EPHA10: variants seen among roughly 807,000 people sequenced by gnomAD.
EPHA10 encodes EPH receptor A10.
EPHA10 carries 120 observed loss-of-function variants against 109.7 expected under a neutral mutation model. The ratio of observed to expected loss-of-function variants is 1.09; its 90% CI spans 0.94 to 1.27. The LOEUF (loss-of-function observed/expected upper bound fraction) is 1.27. EPHA10 is among the 50% of genes most tolerant of loss of function. The pLI, the probability that EPHA10 is intolerant of heterozygous loss-of-function variation, is 0.00. For missense variants in EPHA10, 1,396 were observed against 1,411.1 expected (o/e 0.99, Z 0.17); for synonymous variants, 640 against 618.9 (o/e 1.03, Z -0.51).
At position 37,723,151 on chromosome 1, in the gene EPHA10, C is replaced by T. The variant is rs376591568; in HGVS notation, c.1850G>A (p.Arg617His). The T allele has an allele frequency of 1.1e-5, 17 of 1,613,570 alleles. No homozygotes were observed. In the African/African-American group the frequency reaches 2.0e-4, roughly 19 times the overall value. The change falls in exon 10 of 17, where the codon CGT becomes CAT. Residue 617 changes from arginine (R) to histidine (H), a missense_variant. Arg to His is a conservative substitution (Grantham distance 29). Coordinates refer to ENST00000373048, the MANE Select transcript of EPHA10 (RefSeq NM_001099439.2). Reference protein sequence around the residue: ...ELYFHFKVPTRRTFLDPQSCG... With the variant: ...ELYFHFKVPTHRTFLDPQSCG... ...GCTCTGGGGGTCCAGGAATGTGCGA[C>T]GTGTTGGGACTTTGACTGGGAGAGA... is the stretch of plus-strand genomic sequence containing the variant.
At chr1:37,722,764 C>T in intron 10 of EPHA10, 1 of 563,926 alleles carries the variant, frequency 1.8e-6, no homozygotes, top group South Asian at 1.6e-5. Context: ...CCCATGAAGG[C>T]CTGGGACTAA....
chr1:37,761,466 C>T lies in EPHA10; in HGVS notation c.789G>A (p.Leu263=), dbSNP rs1329850598. ...RMHCGADGEW[L]VPVGRCSCSA... is the part of the protein sequence containing the mutation. ...TGCAGCTGCAGCGGCCCACAGGCAC[C>T]AGCCACTCGCCGTCGGCGCCGCAGT... The change falls in exon 3 of 17, where the codon CTG becomes CTA. Residue 263 remains leucine (L), a synonymous_variant. Transcript: ENST00000373048. 7 of 1,600,298 alleles carry T rather than the reference C, an allele frequency of 4.4e-6. No homozygotes were observed. The highest frequency in any genetic ancestry group is 1.7e-5 in the Admixed American group (1 of 59,964).
chr1:37,761,811 C>T lies in EPHA10; in HGVS notation c.444G>A (p.Arg148=). The stretch of plus-strand genomic sequence containing the variant: ...CCGCGATCGTGTCGATTTTGCGGGG[C>T]CGGCTGCCGCCTAGGCGGGGACGCC... ...GRGRPRLGGS[R]PRKIDTIAAD... is the part of the protein sequence containing the mutation. The change falls in exon 3 of 17, where the codon CGG becomes CGA. Residue 148 remains arginine, a synonymous_variant. Transcript: ENST00000373048. The T allele has an allele frequency of 6.2e-7, 1 of 1,613,594 alleles. No individual in the cohort carries two copies.
Position 37,724,548 on chromosome 1 carries a change from A to C in EPHA10, c.1773-1176T>G, listed in dbSNP as rs192013053. Among the ~76,000 whole-genome samples, 17 of 150,778 alleles carry C rather than the reference A, an allele frequency of 1.1e-4. No individual in the cohort carries two copies. The East Asian group carries it at 3.1e-3, about 27-fold the overall frequency. The stretch of plus-strand genomic sequence containing the variant: ...ACAGTACAAAAGAATCGCCAGAGGA[A>C]CAGAAGGAGAGCAGAGGGAAACTGG... On this transcript the variant is annotated intron_variant, in intron 8 of 16. Coordinates refer to ENST00000373048, the MANE Select transcript of EPHA10 (RefSeq NM_001099439.2).
At chr1:37,746,545 T>C (rs369038676) in intron 5 of EPHA10, among the ~76,000 whole-genome samples, 4 of 152,148 alleles carry the variant, frequency 2.6e-5, no homozygotes, top group South Asian at 2.1e-4. Context: ...AATCTGGAGG[T>C]AACATAATTC....
chr1:37,741,820 G>C (rs1384673538), intron 5 of EPHA10, among the ~76,000 whole-genome samples: 2 of 150,952 alleles, frequency 1.3e-5, no homozygotes, highest in Non-Finnish European at 2.9e-5. Flanking sequence ...CTCTACTGCA[G>C]AGCTGCTTTC....
chr1:37,746,915 C>A (rs1646250338), intron 5 of EPHA10, among the ~76,000 whole-genome samples: 2 of 152,116 alleles, frequency 1.3e-5, no homozygotes, highest in Non-Finnish European at 2.9e-5. Context: ...CAAGAAGAGG[C>A]AAATCCATAG....
chr1:37,762,010 G>T lies in EPHA10; in HGVS notation c.245C>A (p.Pro82His), dbSNP rs1557561350. 6.2e-7 allele frequency: 1 copy of T among 1,614,108 alleles called. No individual in the cohort carries two copies. The highest frequency in any genetic ancestry group is 1.1e-5 in the South Asian group (1 of 91,062). ...AGTCTGCAGCCAGTTGTCCTGGTTG[G>T]GCTCCAGCACATTGCACACTTGGTA... ...RTYQVCNVLE[P>H]NQDNWLQTGW... Residue 82 changes from proline (P) to histidine (H), a missense_variant, in exon 3 of 17, where the codon CCC becomes CAC. Physicochemically the swap from Pro to His is moderately conservative, Grantham distance 77. Transcript: ENST00000373048.
At chr1:37,736,751 A>C (rs1646078734) in intron 5 of EPHA10, among the ~76,000 whole-genome samples, 1 of 152,166 alleles carries the variant, frequency 6.6e-6, no homozygotes, top group Non-Finnish European at 1.5e-5. Flanking sequence ...AAAATACAGC[A>C]AAGTTGCAAA....
chr1:37,752,960 C>T lies in EPHA10; in HGVS notation c.1273G>A (p.Val425Met). The T allele has an allele frequency of 7.7e-7, 1 of 1,291,414 alleles. No individual in the cohort carries two copies. Among genetic ancestry groups the T allele is most frequent in the South Asian group, 2.3e-5 (1 of 44,370 alleles). 80.0% of individuals were successfully genotyped at this position (1,291,414 alleles called of 1,614,324 possible). A position where few individuals can be genotyped will look rare whatever the true frequency, so the allele number is the denominator to read the frequency against. The change falls in exon 5 of 17, where the codon GTG (valine) becomes ATG (methionine). Residue 425 changes from valine (V) to methionine (M), a missense_variant. Physicochemically the swap from Val to Met is conservative, Grantham distance 21. Coordinates refer to ENST00000373048, the MANE Select transcript of EPHA10 (RefSeq NM_001099439.2). ...CCCGAGACGCCGTTGAGCGCGGCCA[C>T]GCGCACGGTGTAGCGCGCGCCGGGC... ...LRPGARYTVRVAALNGVSGPA... is the reference protein window; with the variant it reads ...LRPGARYTVRMAALNGVSGPA...
intron 5 of EPHA10, among the ~76,000 whole-genome samples, chr1:37,740,132 T>A: frequency 6.6e-6 from 1 of 152,004 alleles, no homozygotes; most frequent in Non-Finnish European, 1.5e-5. Flanking sequence ...GGACAACGTA[T>A]CTAGTTAACA....
intron 5 of EPHA10, among the ~76,000 whole-genome samples, chr1:37,738,311 G>T (rs979446347): frequency 2.6e-5 from 4 of 152,060 alleles, no homozygotes; most frequent in Admixed American, 1.3e-4. Flanking sequence ...AGGTTGCAGT[G>T]AGCTGAGATC....
chr1:37,718,418 A>G lies in EPHA10; in HGVS notation c.2981T>C (p.Leu994Pro), dbSNP rs762484761. The G allele has an allele frequency of 1.1e-5, 18 of 1,613,102 alleles. No homozygotes were observed. In the East Asian group the frequency reaches 3.6e-4, roughly 32 times the overall value. The change falls in exon 17 of 17, where the codon CTG (leucine) becomes CCG (proline). Residue 994 changes from leucine (L) to proline (P), a missense_variant. Transcript: ENST00000373048. ...CTGCAGCTGGAGCACTCGTGCCTGC[A>G]GGGCGCTGATCCCGCTGAGGAGGGC... ...REALLSGISA[L>P]QARVLQLQGQ...
At chr1:37,722,923 A>T in intron 10 of EPHA10, 118 bp downstream of exon 10, 3 of 1,502,622 alleles carry the variant, frequency 2.0e-6, no homozygotes, top group Non-Finnish European at 2.8e-6. Context: ...TCCAGACACG[A>T]GCAGAGACCT....
At chr1:37,762,162 T>C (rs2148371624) in intron 2 of EPHA10, 79 bp from the exon 3 acceptor site, 1 of 1,368,732 alleles carries the variant, frequency 7.3e-7, no homozygotes, top group East Asian at 2.3e-5. Flanking sequence ...TGACTCCTGC[T>C]TTCTCTCTCA....
Position 37,754,238 on chromosome 1 carries a change from T to G in EPHA10, c.983A>C (p.Asp328Ala). 1 of 1,307,180 alleles carries G rather than the reference T, an allele frequency of 7.7e-7. No homozygotes were observed. Among genetic ancestry groups the G allele is most frequent in the South Asian group, 2.6e-5 (1 of 39,200 alleles). The allele number at this position is 1,307,180 out of a possible 1,614,324, so 81.0% of individuals were successfully genotyped here. ...CQDSYARSPTDPPSASCTRPP... is the reference protein window; with the variant it reads ...CQDSYARSPTAPPSASCTRPP... ...ACGGGTGCAGGAAGCCGAGGGCGGG[T>G]CGGTGGGTGAGCGCGCATAGCTGTC... The change falls in exon 4 of 17, where the codon GAC (aspartate) becomes GCC (alanine). Residue 328 changes from aspartate to alanine, a missense_variant. Physicochemically the swap from Asp to Ala is moderately radical, Grantham distance 126. Transcript: ENST00000373048. This position sits in a 1 kb window ranked among gnomAD's most constrained non-coding sequence, Gnocchi z 4.5.
In EPHA10 at chr1:37,719,440, G is replaced by C. The variant is rs1382292289; in HGVS notation, c.2730C>G (p.Pro910=). Residue 910 remains proline (P), a synonymous_variant, in exon 15 of 17, where the codon CCC becomes CCG. Transcript: ENST00000373048. The stretch of plus-strand genomic sequence containing the variant: ...TGGGACAGGTAGTCAGGGCACACTT[G>C]GGGGGCTCTGGGTCCTGCACCATCT... The part of the protein sequence containing the change: ...LSKMVQDPEP[P]KCALTTCPRP... 6.8e-6 allele frequency: 11 copies of C among 1,613,404 alleles called. No individual in the cohort carries two copies. The highest frequency in any genetic ancestry group is 1.6e-4 in the Middle Eastern group (1 of 6,080).
intron 10 of EPHA10, chr1:37,722,334 T>C: frequency 4.4e-6 from 1 of 228,446 alleles, no homozygotes; most frequent in South Asian, 5.4e-5. Flanking sequence ...GCACGCCGAC[T>C]GCCATCAAAC....
chr1:37,754,408 A>G lies in EPHA10; in HGVS notation c.851-38T>C. The G allele has an allele frequency of 2.4e-6, 3 of 1,275,216 alleles. No individual in the cohort carries two copies. Among genetic ancestry groups the G allele is most frequent in the African/African-American group, 1.5e-5 (1 of 64,790 alleles). 79.0% of individuals were successfully genotyped at this position (1,275,216 alleles called of 1,614,324 possible). ...GCTGGTGAGAAGAGGGGGCTCCTCC[A>G]GTTTCTCCCCGCTTTCCTGACTGGC... On this transcript the variant is annotated intron_variant, in intron 3 of 16. Transcript: ENST00000373048. This position sits in a 1 kb window ranked among gnomAD's most constrained non-coding sequence, Gnocchi z 4.5.
Sources: gnomAD v4.1 joint callset for allele counts (sites outside exome capture counted in the v4.1 genomes callset) on GRCh38, gnomAD v4.1.1 for gene constraint, Gnocchi (gnomAD v3.1) non-coding constraint, MANE v1.5 for transcripts, NCBI Gene and HGNC (gene_info 2026-07-23, HGNC 2026-07-21) for gene names.